The following KANSL1 variants were observed in gnomAD, a reference collection of about 807,000 sequenced individuals.
KANSL1 encodes the protein MLL1/MLL complex subunit KANSL1.
A neutral mutation model predicts 103.6 loss-of-function variants in KANSL1; 22 were observed. That is an observed-to-expected ratio of 0.21 (90% CI 0.15 to 0.30). The LOEUF (loss-of-function observed/expected upper bound fraction) is 0.30. Ranked by LOEUF, KANSL1 falls within the 10% of genes least tolerant of loss-of-function variation. The pLI is 1.00. For missense variants in KANSL1, 1,337 were observed against 1,399.8 expected, an observed-to-expected ratio of 0.96 and a Z score of 0.72; for synonymous variants, 600 against 527.6, an observed-to-expected ratio of 1.14 and a Z score of -1.88.
intron 1 of KANSL1, among the ~76,000 whole-genome samples, chr17:46,175,346 G>C (rs2046471461): frequency 6.7e-6 from 1 of 149,918 alleles, no homozygotes; most frequent in Non-Finnish European, 1.5e-5. Flanking sequence ...GTGTGTGTGT[G>C]TGTGTGTGTG....
rs763673329 is a variant in KANSL1, at chr17:46,171,214, G to C, written c.930C>G (p.Ala310=). The C allele has an allele frequency of 5.6e-6, 9 of 1,613,978 alleles. No homozygotes were observed. The highest frequency in any genetic ancestry group is 7.6e-6 in the Non-Finnish European group (9 of 1,180,062). ...RLQKRLQVVQ[A]KQVERHIQHQ... ...GTTGTATATGCCTCTCAACCTGCTT[G>C]GCTTGCACAACCTGTAAGCGCTTTT... is the stretch of plus-strand genomic sequence containing the variant. The change falls in exon 2 of 15, where the codon GCC becomes GCG. Residue 310 remains alanine (A), a synonymous_variant. Transcript: ENST00000432791.
At chr17:46,209,938 C>T (rs2048102490) in intron 1 of KANSL1, among the ~76,000 whole-genome samples, 1 of 152,230 alleles carries the variant, frequency 6.6e-6, no homozygotes, top group South Asian at 2.1e-4. Context: ...CCTTGCTCAA[C>T]TTCTGACATA....
chr17:46,031,953 G>GA (rs1410302723), intron 14 of KANSL1, 94 bp downstream of exon 14: 2 of 1,559,538 alleles, frequency 1.3e-6, no homozygotes, highest in African/African-American at 2.7e-5. Flanking sequence ...TCAAAAGGGG[G>GA]AGGGGATGGC....
At chr17:46,147,866 G>A (rs1042768850) in intron 2 of KANSL1, among the ~76,000 whole-genome samples, 4 of 152,202 alleles carry the variant, frequency 2.6e-5, no homozygotes, top group Non-Finnish European at 5.9e-5. Flanking sequence ...CCCTTGAAAG[G>A]CTTAGGAATC....
chr17:46,066,494 CT>C (rs2078380595), intron 6 of KANSL1, 42 bp downstream of exon 6: 1 of 1,511,334 alleles, frequency 6.6e-7, no homozygotes, highest in Non-Finnish European at 9.0e-7. Flanking sequence ...ATCTGAGCAT[CT>C]GGCTCACTGC....
chr17:46,078,672 A>T (rs1056731950), intron 4 of KANSL1, among the ~76,000 whole-genome samples: 1 of 152,222 alleles, frequency 6.6e-6, no homozygotes, highest in Non-Finnish European at 1.5e-5. Context: ...TTTTGCTGAC[A>T]TTGTTGAGTA....
chr17:46,042,806 A>G (rs913866112), intron 7 of KANSL1: 8 of 150,970 alleles, frequency 5.3e-5, no homozygotes, highest in African/African-American at 1.5e-4. Context: ...AAAAAAAAAA[A>G]GCTAACATTC....
chr17:46,135,761 C>T (rs2044109299), intron 2 of KANSL1, among the ~76,000 whole-genome samples: 1 of 138,674 alleles, frequency 7.2e-6, no homozygotes, highest in Admixed American at 7.8e-5. Context: ...AGGCTGGTCT[C>T]AACCTCCTGG....
chr17:46,181,371 G>A (rs1213557417), intron 1 of KANSL1, among the ~76,000 whole-genome samples: 2 of 151,684 alleles, frequency 1.3e-5, no homozygotes, highest in African/African-American at 4.9e-5. Context: ...GTGCCTCAGT[G>A]CCCCAAACTA....
upstream of KANSL1, chr17:46,225,367 T>C (rs1382487452): frequency 6.5e-6 from 1 of 153,514 alleles, no homozygotes; most frequent in East Asian, 1.9e-4. Flanking sequence ...AGCCTAGAAG[T>C]GGGGGCGGGG....
intron 4 of KANSL1, among the ~76,000 whole-genome samples, chr17:46,077,596 T>A (rs995681958): frequency 6.6e-6 from 1 of 152,178 alleles, no homozygotes; most frequent in East Asian, 1.9e-4. Context: ...CTCACTCTGT[T>A]GCCCAGGCTG....
chr17:46,175,625 C>T (rs745806427), intron 1 of KANSL1, among the ~76,000 whole-genome samples: 4 of 152,208 alleles, frequency 2.6e-5, no homozygotes, highest in Non-Finnish European at 5.9e-5. Flanking sequence ...GCTAGGATTA[C>T]AGGTGTGATC....
chr17:46,210,663 G>A (rs943857786), intron 1 of KANSL1, among the ~76,000 whole-genome samples: 4 of 151,998 alleles, frequency 2.6e-5, no homozygotes, highest in African/African-American at 9.7e-5. Flanking sequence ...TTAATATATT[G>A]TACAAAAAAT....
intron 1 of KANSL1, among the ~76,000 whole-genome samples, chr17:46,184,868 C>T (rs1288289776): frequency 1.4e-5 from 2 of 145,986 alleles, no homozygotes; most frequent in Non-Finnish European, 3.0e-5. Context: ...GAAACAGAGC[C>T]TCTCATTGTC....
chr17:46,172,231 G>A lies in KANSL1; in HGVS notation c.-88C>T. ...CCCCTTACTGCCTCCCCAGAGAACA[G>A]ACTAGAAGAGAAAGGAGAAAAGAAT... On this transcript the variant is annotated splice_region_variant and 5_prime_UTR_variant, in exon 2 of 15. Coordinates refer to ENST00000432791, the MANE Select transcript of KANSL1 (RefSeq NM_015443.4). 8.2e-7 allele frequency: 1 copy of A among 1,225,792 alleles called. No homozygotes were observed. Among genetic ancestry groups the A allele is most frequent in the Non-Finnish European group, 1.1e-6 (1 of 895,898 alleles). The allele number at this position is 1,225,792 out of a possible 1,614,324, so 75.9% of individuals were successfully genotyped here. A position where few individuals can be genotyped will look rare whatever the true frequency, so the allele number is the denominator to read the frequency against.
intron 6 of KANSL1, among the ~76,000 whole-genome samples, chr17:46,060,935 A>G (rs555508917): frequency 1.7e-4 from 26 of 152,336 alleles, no homozygotes; most frequent in African/African-American, 6.0e-4. Context: ...CCCCTATGAC[A>G]ACAAGGACTA....
intron 2 of KANSL1, among the ~76,000 whole-genome samples, chr17:46,110,995 G>C (rs2042778422): frequency 6.6e-6 from 1 of 152,190 alleles, no homozygotes; most frequent in Non-Finnish European, 1.5e-5. Context: ...TAAAACTATA[G>C]TGAAACAAAT....
At position 46,096,307 on chromosome 17, in the gene KANSL1, T is replaced by TTTTCTTTCTTTC. The variant is rs1200033659; in HGVS notation, c.1290-1607_1290-1606insGAAAGAAAGAAA. Reference sequence around the variant, plus strand: ...GGAGCATACTACATACCTGGCTTTTTTTTCTTTTTTTTTTTTTTTTTTTTT... The same window carrying TTTTCTTTCTTTC: ...GGAGCATACTACATACCTGGCTTTTTTTTCTTTCTTTCTTTCTTTTTTTTTTTTTTTTTTTTT... On this transcript the variant is annotated intron_variant, in intron 2 of 14. Transcript: ENST00000432791. Among the ~76,000 whole-genome samples the TTTTCTTTCTTTC allele has an allele frequency of 7.8e-3, 972 of 123,976 alleles. 14 individuals carry two copies. The highest frequency in any genetic ancestry group is 0.013 in the Middle Eastern group (3 of 228). 81.3% of individuals were successfully genotyped at this position (123,976 alleles called of 152,430 possible). A position where few individuals can be genotyped will look rare whatever the true frequency, so the allele number is the denominator to read the frequency against.
In KANSL1 at chr17:46,066,575, G is replaced by A; in HGVS notation, c.1810C>T (p.Leu604Phe). 6.2e-7 allele frequency: 1 copy of A among 1,613,804 alleles called. No homozygotes were observed. The stretch of plus-strand genomic sequence containing the variant: ...GGAACGATGCTGTTGGGTCGAACAA[G>A]CCTCCGCTTCTTACAGCTCAGTACA... ...RPVLSCKKRR[L>F]VRPNSIVPLS... Residue 604 changes from leucine (L) to phenylalanine (F), a missense_variant, in exon 6 of 15, where the codon CTT becomes TTT. Leu to Phe is a conservative substitution (Grantham distance 22). Coordinates refer to ENST00000432791, the MANE Select transcript of KANSL1 (RefSeq NM_015443.4).
Sources: allele counts gnomAD v4.1 joint callset (sites outside exome capture counted in the v4.1 genomes callset), GRCh38; gene constraint gnomAD v4.1.1; transcripts MANE v1.5; gene names NCBI Gene and HGNC (gene_info 2026-07-23, HGNC 2026-07-21).